The following CTNNA2 variants were observed in gnomAD, a reference collection of about 807,000 sequenced individuals.
CTNNA2 encodes catenin alpha-2.
Under a neutral mutation model 101.0 loss-of-function variants are expected in CTNNA2, and 42 were observed. The ratio of observed to expected loss-of-function variants is 0.42; its 90% CI spans 0.32 to 0.54. CTNNA2 has a LOEUF of 0.54. CTNNA2 is among the 20% of genes least tolerant of loss of function. The probability of loss-of-function intolerance (pLI) is 0.14; values close to 1 mark genes in which losing one functional copy is unlikely to be tolerated. For missense variants in CTNNA2, 871 were observed against 1,223.1 expected, an observed-to-expected ratio of 0.71 and a Z score of 4.29; for synonymous variants, 450 against 456.4, an observed-to-expected ratio of 0.99 and a Z score of 0.18.
At chr2:79,497,604 C>T (rs1004930393) in intron 4 of CTNNA2, among the ~76,000 whole-genome samples, 2 of 152,102 alleles carry the variant, frequency 1.3e-5, no homozygotes, top group African/African-American at 4.8e-5. Context: ...CCTAGCACAC[C>T]CATGTCCACT....
intron 7 of CTNNA2, among the ~76,000 whole-genome samples, chr2:80,179,775 T>TAA (rs1705650727): frequency 6.6e-6 from 1 of 152,160 alleles, no homozygotes; most frequent in Non-Finnish European, 1.5e-5. Context: ...TCTTTCTAGG[T>TAA]AGAGGCAGCT....
At chr2:80,087,722 T>C (rs1237139465) in intron 7 of CTNNA2, among the ~76,000 whole-genome samples, 2 of 152,082 alleles carry the variant, frequency 1.3e-5, no homozygotes, top group Non-Finnish European at 2.9e-5. Context: ...ACGTCTGGGC[T>C]GGGGCCTGAT....
chr2:79,369,656 A>T (rs988877884), intron 3 of CTNNA2, among the ~76,000 whole-genome samples: 1 of 152,184 alleles, frequency 6.6e-6, no homozygotes, highest in African/African-American at 2.4e-5. Flanking sequence ...CACTCCTTGA[A>T]GAGCAACTTC....
chr2:80,607,348 A>C (rs918999357), intron 16 of CTNNA2, among the ~76,000 whole-genome samples: 1 of 151,894 alleles, frequency 6.6e-6, no homozygotes, highest in African/African-American at 2.4e-5. Context: ...AGGCATCTCA[A>C]TTCCTCGGTA....
In CTNNA2 at chr2:79,187,270, C is replaced by CTTTTTTTTTT. The variant is rs781414965; in HGVS notation, c.-524+1847_-524+1856dup. On this transcript the variant is annotated intron_variant, in intron 1 of 21. Transcript: ENST00000466387. ...CTTTTCTTTTCTTTTCTTTTCTTTT[C>CTTTTTTTTTT]TTTTTTTTTTTTTTTTTGAGACAGA... 7.0e-3 allele frequency among the ~76,000 whole-genome samples: 461 copies of CTTTTTTTTTT among 65,414 alleles called. 30 individuals are homozygous for CTTTTTTTTTT. Among genetic ancestry groups the CTTTTTTTTTT allele is most frequent in the African/African-American group, 0.028 (392 of 13,940 alleles). The allele number at this position is 65,414 out of a possible 152,430, so 42.9% of individuals were successfully genotyped here. A position where few individuals can be genotyped will look rare whatever the true frequency, so the allele number is the denominator to read the frequency against.
chr2:80,482,701 C>T (rs144513635), intron 9 of CTNNA2, among the ~76,000 whole-genome samples: 7 of 152,272 alleles, frequency 4.6e-5, no homozygotes, highest in African/African-American at 1.7e-4. Flanking sequence ...TGTCAATCTC[C>T]ATGATGTTCA....
intron 11 of CTNNA2, among the ~76,000 whole-genome samples, chr2:80,549,624 A>G (rs1465240607): frequency 6.6e-6 from 1 of 152,196 alleles, no homozygotes; most frequent in Non-Finnish European, 1.5e-5. Context: ...GCAATGGAAT[A>G]ATCTCTAGGA....
At chr2:79,466,332 G>T (rs2099206) in intron 4 of CTNNA2, among the ~76,000 whole-genome samples, 10,517 of 152,242 alleles carry the variant, frequency 0.069, 754 homozygotes, top group African/African-American at 0.19. Context: ...GGCTGGGGGA[G>T]GGGTCCCCGC....
intron 3 of CTNNA2, among the ~76,000 whole-genome samples, chr2:79,332,302 A>AAG (rs1491384788): frequency 2.5e-4 from 3 of 12,100 alleles, no homozygotes; most frequent in Non-Finnish European, 2.8e-4. Flanking sequence ...AAAGAAGAAG[A>AAG]AAAAAAAAAA....
intron 7 of CTNNA2, among the ~76,000 whole-genome samples, chr2:80,244,398 C>A (rs756459897): frequency 6.6e-6 from 1 of 152,216 alleles, no homozygotes; most frequent in Non-Finnish European, 1.5e-5. Flanking sequence ...TTCCCTTCTA[C>A]CTTTTCTCAG....
Position 79,732,389 on chromosome 2 carries a change from A to C in CTNNA2, c.103-11998A>C, listed in dbSNP as rs184186323. Among the ~76,000 whole-genome samples, 496 of 152,230 alleles carry C rather than the reference A, an allele frequency of 3.3e-3. 1 individual carries two copies. Among genetic ancestry groups the C allele is most frequent in the African/African-American group, 0.012 (479 of 41,558 alleles). ...TTGTTCCTAGCAATTCATAGAAAAAAGTGTGTGAAAGCCACCTAAAAAGCA... is the reference window on the plus strand; with the variant it reads ...TTGTTCCTAGCAATTCATAGAAAAACGTGTGTGAAAGCCACCTAAAAAGCA... On this transcript the variant is annotated intron_variant, in intron 2 of 18. Coordinates refer to ENST00000402739, the MANE Select transcript of CTNNA2 (RefSeq NM_001282597.3).
intron 7 of CTNNA2, among the ~76,000 whole-genome samples, chr2:79,980,901 AAG>A (rs1691216571): frequency 6.6e-6 from 1 of 152,142 alleles, no homozygotes; most frequent in Non-Finnish European, 1.5e-5. Flanking sequence ...CAAATCAACA[AAG>A]AAACAATTCT....
chr2:79,305,738 A>G (rs1294946584), intron 2 of CTNNA2, among the ~76,000 whole-genome samples: 2 of 152,104 alleles, frequency 1.3e-5, no homozygotes, highest in Non-Finnish European at 1.5e-5. Context: ...TTGGGAGAGT[A>G]TTCAGCCTTA....
chr2:79,269,750 A>G (rs1294469400), intron 2 of CTNNA2, among the ~76,000 whole-genome samples: 1 of 152,076 alleles, frequency 6.6e-6, no homozygotes, highest in African/African-American at 2.4e-5. Flanking sequence ...GATCACTCTT[A>G]TTGTATGCAC....
intron 7 of CTNNA2, among the ~76,000 whole-genome samples, chr2:80,198,691 C>T (rs1401291676): frequency 5.9e-5 from 9 of 152,068 alleles, no homozygotes; most frequent in African/African-American, 2.2e-4. Context: ...TATGAAACAC[C>T]ATTCATTGCC....
intron 1 of CTNNA2, among the ~76,000 whole-genome samples, chr2:79,518,209 A>G (rs1402039460): frequency 6.6e-6 from 1 of 152,226 alleles, no homozygotes; most frequent in African/African-American, 2.4e-5. Flanking sequence ...TGCTACTTGT[A>G]GACATCGGGC....
intron 3 of CTNNA2, among the ~76,000 whole-genome samples, chr2:79,814,510 A>G (rs1558952773): frequency 6.6e-6 from 1 of 151,976 alleles, no homozygotes; most frequent in African/African-American, 2.4e-5. Flanking sequence ...GAGTTACTTC[A>G]TTTAGAATAA....
At chr2:79,436,856 C>G (rs1442710704) in intron 4 of CTNNA2, among the ~76,000 whole-genome samples, 2 of 152,050 alleles carry the variant, frequency 1.3e-5, no homozygotes, top group African/African-American at 2.4e-5. Flanking sequence ...TGGTTTCAAT[C>G]TCCTGACCTT....
intron 7 of CTNNA2, among the ~76,000 whole-genome samples, chr2:80,101,919 G>T (rs535069777): frequency 2.6e-5 from 4 of 152,144 alleles, no homozygotes; most frequent in Non-Finnish European, 5.9e-5. Context: ...GTGACTGAAC[G>T]TCCTAGACTA....
Sources: gnomAD v4.1 joint callset for allele counts (sites outside exome capture counted in the v4.1 genomes callset) on GRCh38, gnomAD v4.1.1 for gene constraint, MANE v1.5 for transcripts, NCBI Gene and HGNC (gene_info 2026-07-23, HGNC 2026-07-21) for gene names.